F13A1: variants seen among roughly 807,000 people sequenced by gnomAD.
F13A1 encodes the protein coagulation factor XIII A chain.
F13A1 carries 47 observed loss-of-function variants against 80.1 expected under a neutral mutation model. That is an observed-to-expected ratio of 0.59 (90% CI 0.46 to 0.75). The LOEUF (loss-of-function observed/expected upper bound fraction) is 0.75. Ranked by LOEUF, F13A1 falls within the 30% of genes least tolerant of loss-of-function variation. The probability of loss-of-function intolerance (pLI) is 0.00; values close to 1 mark genes in which losing one functional copy is unlikely to be tolerated. For synonymous variants in F13A1, 349 were observed against 344.9 expected (o/e 1.01, Z -0.13); for missense variants, 817 against 930.4 (o/e 0.88, Z 1.59).
intron 6 of F13A1, among the ~76,000 whole-genome samples, chr6:6,230,817 G>A (rs1757341303): frequency 6.6e-6 from 1 of 152,166 alleles, no homozygotes; most frequent in Non-Finnish European, 1.5e-5. Flanking sequence ...TAGACTTGCT[G>A]GGTGGGTAGA....
intron 11 of F13A1, among the ~76,000 whole-genome samples, 190 bp downstream of exon 11, chr6:6,181,798 C>T (rs1760990239): frequency 6.6e-6 from 1 of 152,182 alleles, no homozygotes; most frequent in African/African-American, 2.4e-5. Context: ...CCAAAGCAAG[C>T]TAGCAAAGAA....
intron 3 of F13A1, among the ~76,000 whole-genome samples, chr6:6,285,154 C>T (rs1758119315): frequency 6.6e-6 from 1 of 152,190 alleles, no homozygotes; most frequent in Non-Finnish European, 1.5e-5. Context: ...GAGGCTGAGG[C>T]AAGAGAATCA....
chr6:6,145,985 G>A (rs1046452804), intron 14 of F13A1, among the ~76,000 whole-genome samples: 1 of 152,152 alleles, frequency 6.6e-6, no homozygotes, highest in Non-Finnish European at 1.5e-5. Context: ...GTCTTATTGG[G>A]TCATGGTTCC....
chr6:6,183,015 C>T (rs1186577960), intron 10 of F13A1, among the ~76,000 whole-genome samples: 7 of 152,100 alleles, frequency 4.6e-5, no homozygotes, highest in African/African-American at 1.7e-4. Flanking sequence ...CCAAGCTCTC[C>T]CAAGGCTCTG....
At chr6:6,263,108 C>A (rs1757799033) in intron 4 of F13A1, among the ~76,000 whole-genome samples, 1 of 152,242 alleles carries the variant, frequency 6.6e-6, no homozygotes, top group African/African-American at 2.4e-5. Flanking sequence ...TCCTCTCCGT[C>A]ACCATAAAAT....
At chr6:6,201,788 C>T (rs1340551395) in intron 8 of F13A1, among the ~76,000 whole-genome samples, 2 of 152,272 alleles carry the variant, frequency 1.3e-5, no homozygotes, top group South Asian at 2.1e-4. Flanking sequence ...AAGCCATCCT[C>T]CTGCCCCAGT....
At chr6:6,303,679 C>T (rs535001466) in intron 3 of F13A1, among the ~76,000 whole-genome samples, 19 of 152,166 alleles carry the variant, frequency 1.2e-4, no homozygotes, top group African/African-American at 3.6e-4. Flanking sequence ...TTGACCAACC[C>T]CTTGGGAGAC....
In F13A1 at chr6:6,197,315, C is replaced by CAGTGGT; in HGVS notation, c.1118_1123dup (p.Tyr373_His374dup). 6.2e-7 allele frequency: 1 copy of CAGTGGT among 1,614,128 alleles called. No homozygotes were observed. Among genetic ancestry groups the CAGTGGT allele is most frequent in the Non-Finnish European group, 8.5e-7 (1 of 1,179,980 alleles). ...CCTTGTCATCCATGCTTCATTCCAG[C>CAGTGGT]AGTGGTAGTTCCTTAGAAAACACAA... On this transcript the variant is annotated inframe_insertion, in exon 9 of 15. Transcript: ENST00000264870.
Position 6,268,391 on chromosome 6 carries a change from C to T in F13A1, c.320-1582G>A, listed in dbSNP as rs532148187. Among the ~76,000 whole-genome samples, 25 of 152,310 alleles carry T rather than the reference C, an allele frequency of 1.6e-4. No individual in the cohort carries two copies. The South Asian group carries it at 5.0e-3, about 30-fold the overall frequency. ...AAGCAACTTACCTAGGGTGATACAA[C>T]TAGCAAATAGTGGAGTTCAGATTTG... On this transcript the variant is annotated intron_variant, in intron 3 of 14. Coordinates refer to ENST00000264870, the MANE Select transcript of F13A1 (RefSeq NM_000129.4).
intron 3 of F13A1, among the ~76,000 whole-genome samples, chr6:6,295,783 C>T (rs1251462428): frequency 1.5e-5 from 2 of 135,566 alleles, no homozygotes; most frequent in East Asian, 2.0e-4. Flanking sequence ...GCTTTTGTTG[C>T]CATTGCTTTT....
intron 8 of F13A1, among the ~76,000 whole-genome samples, chr6:6,201,253 C>T (rs540266888): frequency 5.9e-5 from 9 of 152,286 alleles, no homozygotes; most frequent in Non-Finnish European, 1.2e-4. Context: ...GACCAGGACC[C>T]GGGGAAAAGT....
intron 9 of F13A1, 116 bp from the exon 10 acceptor site, chr6:6,196,001 G>T: frequency 1.0e-6 from 1 of 963,560 alleles, no homozygotes; most frequent in Non-Finnish European, 1.6e-6. Context: ...CAACTTCATT[G>T]CTGATTTAGC....
intron 3 of F13A1, among the ~76,000 whole-genome samples, chr6:6,296,120 C>G (rs1323578512): frequency 6.6e-6 from 1 of 150,940 alleles, no homozygotes; most frequent in East Asian, 1.9e-4. Flanking sequence ...TGTTTTGGTA[C>G]CAGTACTATG....
chr6:6,167,451 G>A lies in F13A1; in HGVS notation c.1908+7C>T, dbSNP rs1760696665. 5.6e-6 allele frequency: 9 copies of A among 1,612,792 alleles called. No homozygotes were observed. The South Asian group carries it at 9.9e-5, about 18-fold the overall frequency. On this transcript the variant is annotated splice_region_variant and intron_variant, in intron 13 of 14. Transcript: ENST00000264870. ...TCTCTGTTCCAGGATGAGACGCTAA[G>A]ACTGACCTTGATGATGATCTCAGGG...
chr6:6,310,261 G>T (rs1758571166), intron 2 of F13A1, among the ~76,000 whole-genome samples: 1 of 152,184 alleles, frequency 6.6e-6, no homozygotes, highest in South Asian at 2.1e-4. Context: ...TTAATATGCT[G>T]ATGTATACCA....
intron 8 of F13A1, among the ~76,000 whole-genome samples, chr6:6,220,405 G>A (rs1024930138): frequency 2.0e-5 from 3 of 152,142 alleles, no homozygotes; most frequent in East Asian, 1.9e-4. Flanking sequence ...ATCTACCTTC[G>A]CTATTTTGTA....
At chr6:6,279,847 T>C (rs78221584) in intron 3 of F13A1, among the ~76,000 whole-genome samples, 5,634 of 152,320 alleles carry the variant, frequency 0.037, 143 homozygotes, top group Middle Eastern at 0.061. Context: ...GGAAAAAGTT[T>C]AGCTGAATGT....
intron 8 of F13A1, among the ~76,000 whole-genome samples, chr6:6,219,553 C>G (rs2113054264): frequency 6.6e-6 from 1 of 152,308 alleles, no homozygotes; most frequent in South Asian, 2.1e-4. Context: ...AAGTCATTTT[C>G]TCAAAGCCAC....
chr6:6,247,190 AC>A (rs1252415399), intron 6 of F13A1, among the ~76,000 whole-genome samples: 5 of 152,208 alleles, frequency 3.3e-5, no homozygotes, highest in Non-Finnish European at 5.9e-5. Context: ...AATAAAAGCC[AC>A]CATTCTTAAA....
Sources: allele counts gnomAD v4.1 joint callset (sites outside exome capture counted in the v4.1 genomes callset), GRCh38; gene constraint gnomAD v4.1.1; transcripts MANE v1.5; gene names NCBI Gene and HGNC (gene_info 2026-07-23, HGNC 2026-07-21).